The following TNR variants were observed in gnomAD, a reference collection of about 807,000 sequenced individuals.
The protein encoded by TNR is tenascin R.
Under a neutral mutation model 150.4 loss-of-function variants are expected in TNR, and 45 were observed. The observed-to-expected ratio is 0.30, with a 90% CI of 0.24 to 0.38. The LOEUF is 0.38. Among genes scored for constraint, TNR ranks in the 10% least tolerant of loss-of-function variants. TNR has a pLI of 1.00. For missense variants in TNR, 1,544 were observed against 1,759.1 expected (o/e 0.88, Z 2.19); for synonymous variants, 687 against 678.4 (o/e 1.01, Z -0.20).
intron 1 of TNR, among the ~76,000 whole-genome samples, chr1:175,732,160 A>G (rs745907735): frequency 2.0e-5 from 3 of 152,208 alleles, no homozygotes; most frequent in Non-Finnish European, 2.9e-5. Flanking sequence ...AAACCTCCAC[A>G]GGAATAAATT....
chr1:175,571,921 G>A (rs775157790), intron 1 of TNR, among the ~76,000 whole-genome samples: 116 of 152,294 alleles, frequency 7.6e-4, no homozygotes, highest in Non-Finnish European at 1.3e-3. Context: ...GAGTATGCAT[G>A]CTTTCCATGG....
intron 1 of TNR, among the ~76,000 whole-genome samples, chr1:175,740,999 C>T (rs938930023): frequency 1.3e-5 from 2 of 152,166 alleles, no homozygotes; most frequent in Admixed American, 1.3e-4. Flanking sequence ...TGCAGTAAGC[C>T]CAGAGAGCTC....
chr1:175,451,873 T>C (rs1656340604), intron 2 of TNR, among the ~76,000 whole-genome samples: 1 of 152,220 alleles, frequency 6.6e-6, no homozygotes, highest in African/African-American at 2.4e-5. Flanking sequence ...TGTACTTCTA[T>C]AACGAATTGC....
rs757375095 is a variant in TNR, at chr1:175,510,234, T to TAAATG, written c.-64+18030_-64+18034dup. Among the ~76,000 whole-genome samples the TAAATG allele has an allele frequency of 3.4e-4, 52 of 152,056 alleles. 1 individual carries two copies. Among genetic ancestry groups the TAAATG allele is most frequent in the Admixed American group, 9.2e-4 (14 of 15,268 alleles). ...ACAGAGCAAGACCCTGTCTTGAAAA[T>TAAATG]AAATGAAATGAAATGAAATGTATTT... On this transcript the variant is annotated intron_variant, in intron 2 of 22. Transcript: ENST00000367674.
chr1:175,449,384 A>G (rs1275958237), intron 2 of TNR, among the ~76,000 whole-genome samples: 3 of 152,126 alleles, frequency 2.0e-5, no homozygotes, highest in Admixed American at 2.0e-4. Flanking sequence ...TGAGTATCTC[A>G]AGGGTGGGCT....
chr1:175,414,862 CT>C (rs1557918597), intron 2 of TNR, among the ~76,000 whole-genome samples: 1 of 151,690 alleles, frequency 6.6e-6, no homozygotes, highest in Non-Finnish European at 1.5e-5. Context: ...TGCCTTTGAG[CT>C]TTTTTCTTTT....
intron 1 of TNR, among the ~76,000 whole-genome samples, chr1:175,712,419 C>T (rs1197890960): frequency 6.6e-6 from 1 of 152,004 alleles, no homozygotes; most frequent in Non-Finnish European, 1.5e-5. Context: ...CTCAAGAGTC[C>T]AAGCAAGAGG....
At chr1:175,629,488 T>C (rs1261958914) in intron 1 of TNR, among the ~76,000 whole-genome samples, 3 of 152,080 alleles carry the variant, frequency 2.0e-5, no homozygotes, top group African/African-American at 7.2e-5. Flanking sequence ...AGAACAATTT[T>C]TTTTTCTGTA....
chr1:175,671,911 C>CTGTGTGTGTGTGTGTGTGTGTGTG (rs35804880), intron 1 of TNR, among the ~76,000 whole-genome samples: 10 of 142,042 alleles, frequency 7.0e-5, no homozygotes, highest in African/African-American at 2.1e-4. Flanking sequence ...TGAGCTGTAC[C>CTGTGTGTGTGTGTGTGTGTGTGTG]TGTGTGTGTG....
chr1:175,658,483 A>G (rs1262084217), intron 1 of TNR, among the ~76,000 whole-genome samples: 1 of 152,188 alleles, frequency 6.6e-6, no homozygotes, highest in Non-Finnish European at 1.5e-5. Flanking sequence ...AGGGCAAAGT[A>G]AAACCTCACC....
chr1:175,415,747 C>G (rs981962719), intron 2 of TNR, among the ~76,000 whole-genome samples: 4 of 152,188 alleles, frequency 2.6e-5, no homozygotes, highest in African/African-American at 4.8e-5. Context: ...TTGACATTAC[C>G]TTTCACAGAG....
At chr1:175,565,572 AACACTTATACATTGTTGGC>A (rs1323403573) in intron 1 of TNR, among the ~76,000 whole-genome samples, 1 of 152,210 alleles carries the variant, frequency 6.6e-6, no homozygotes, top group African/African-American at 2.4e-5. Context: ...GGGAAATCGG[AACACTTATACATTGTTGGC>A]ATAATACTTT....
At chr1:175,651,169 TTCCCCACCTCATTACTACCCC>T (rs1347550467) in intron 1 of TNR, among the ~76,000 whole-genome samples, 2 of 90,278 alleles carry the variant, frequency 2.2e-5, no homozygotes, top group South Asian at 4.8e-4. Flanking sequence ...TTATTCCACC[TTCCCCACCTCATTACTACCCC>T]TCCCCACCTC....
Position 175,462,980 on chromosome 1 carries a change from A to G in TNR, c.-63-56203T>C, listed in dbSNP as rs932111355. ...TGGACATAGCGAGAGAGCGTGTTTT[A>G]GAAACTGTTTCTGTAGAATGTCGAA... On this transcript the variant is annotated intron_variant, in intron 2 of 22. Coordinates refer to ENST00000367674, the MANE Select transcript of TNR (RefSeq NM_003285.3). Among the ~76,000 whole-genome samples the G allele has an allele frequency of 3.9e-5, 6 of 152,208 alleles. 1 individual carries two copies. Among genetic ancestry groups the G allele is most frequent in the Admixed American group, 3.3e-4 (5 of 15,286 alleles).
At position 175,421,792 on chromosome 1, in the gene TNR, C is replaced by G. The variant is rs548247467; in HGVS notation, c.-63-15015G>C. Among the ~76,000 whole-genome samples the G allele has an allele frequency of 2.0e-5, 3 of 152,290 alleles. No individual in the cohort carries two copies. In the South Asian group the frequency reaches 6.2e-4, roughly 32 times the overall value. On this transcript the variant is annotated intron_variant, in intron 2 of 22. Coordinates refer to ENST00000367674, the MANE Select transcript of TNR (RefSeq NM_003285.3). ...TTTGATTAGGAAGGGAACATACCCACCAGCTTCAAGCTAAACTGATCAGAT... is the reference window on the plus strand; with the variant it reads ...TTTGATTAGGAAGGGAACATACCCAGCAGCTTCAAGCTAAACTGATCAGAT...
At chr1:175,538,989 A>T (rs1282436074) in intron 1 of TNR, 1 of 152,248 alleles carries the variant, frequency 6.6e-6, no homozygotes, top group Non-Finnish European at 1.5e-5. Flanking sequence ...CCATGCTTTC[A>T]ACACTTTCAC....
At chr1:175,611,625 T>A (rs1045380019) in intron 1 of TNR, among the ~76,000 whole-genome samples, 6 of 152,178 alleles carry the variant, frequency 3.9e-5, no homozygotes, top group Admixed American at 2.6e-4. Context: ...TGAGCCTCTA[T>A]GCCTGGCCAT....
chr1:175,441,786 T>G (rs1242015958), intron 2 of TNR, among the ~76,000 whole-genome samples: 5 of 152,130 alleles, frequency 3.3e-5, no homozygotes, highest in Non-Finnish European at 7.4e-5. Context: ...CAGCTATTTC[T>G]CAGTGACTTA....
At chr1:175,511,049 A>G (rs1330896082) in intron 2 of TNR, among the ~76,000 whole-genome samples, 1 of 152,356 alleles carries the variant, frequency 6.6e-6, no homozygotes, top group African/African-American at 2.4e-5. Flanking sequence ...GTTTTGTTAC[A>G]CAACTTCCTG....
Sources: allele counts gnomAD v4.1 joint callset (sites outside exome capture counted in the v4.1 genomes callset), GRCh38; gene constraint gnomAD v4.1.1; transcripts MANE v1.5; gene names NCBI Gene and HGNC (gene_info 2026-07-23, HGNC 2026-07-21).